PRKCQ: variants seen among roughly 807,000 people sequenced by gnomAD.
PRKCQ encodes the protein protein kinase C theta type.
Under a neutral mutation model 91.2 loss-of-function variants are expected in PRKCQ, and 41 were observed. The observed-to-expected ratio is 0.45, with a 90% CI of 0.35 to 0.58. PRKCQ has a LOEUF of 0.58. Among genes scored for constraint, PRKCQ ranks in the 20% least tolerant of loss-of-function variants. The pLI is 0.00. For missense variants in PRKCQ, 673 were observed against 896.5 expected, an observed-to-expected ratio of 0.75 and a Z score of 3.18; for synonymous variants, 307 against 316.9, an observed-to-expected ratio of 0.97 and a Z score of 0.33.
chr10:6,469,196 C>T (rs1450328520), intron 12 of PRKCQ, among the ~76,000 whole-genome samples: 1 of 152,174 alleles, frequency 6.6e-6, no homozygotes, highest in Non-Finnish European at 1.5e-5. Flanking sequence ...TCAAGCTCAC[C>T]AACAATTCAA....
intron 1 of PRKCQ, among the ~76,000 whole-genome samples, chr10:6,546,055 A>G (rs10752351): frequency 0.92 from 139,264 of 152,174 alleles, 64,233 homozygotes; most frequent in East Asian, 1. Context: ...TGTTACGCGT[A>G]TTCTAGCACA....
intron 1 of PRKCQ, among the ~76,000 whole-genome samples, chr10:6,544,147 G>A (rs571689641): frequency 1.3e-5 from 2 of 152,142 alleles, no homozygotes; most frequent in African/African-American, 4.8e-5. Flanking sequence ...AGAATCAAAG[G>A]GTTATGTAGA....
intron 13 of PRKCQ, among the ~76,000 whole-genome samples, chr10:6,462,771 C>T (rs1381146978): frequency 2.6e-5 from 4 of 151,996 alleles, no homozygotes. Context: ...TTGGGAGGCC[C>T]AAGCAGGTGG....
At chr10:6,543,950 C>T (rs1211471619) in intron 1 of PRKCQ, among the ~76,000 whole-genome samples, 1 of 152,164 alleles carries the variant, frequency 6.6e-6, no homozygotes, top group African/African-American at 2.4e-5. Flanking sequence ...AAGACATGAC[C>T]TCCAACCCCA....
the PRKCQ span, among the ~76,000 whole-genome samples, chr10:6,394,267 C>G: frequency 6.6e-6 from 1 of 152,176 alleles, no homozygotes; most frequent in Non-Finnish European, 1.5e-5. Flanking sequence ...CCTTTGTTGT[C>G]GTAAGTGTAG....
intron 1 of PRKCQ, among the ~76,000 whole-genome samples, chr10:6,522,925 GC>G: frequency 6.6e-6 from 1 of 152,138 alleles, no homozygotes; most frequent in Non-Finnish European, 1.5e-5. Context: ...AATAGCTTTT[GC>G]ATTTCTTTAT....
At chr10:6,495,630 C>T (rs547466898) in intron 7 of PRKCQ, among the ~76,000 whole-genome samples, 32 of 152,252 alleles carry the variant, frequency 2.1e-4, no homozygotes, top group Non-Finnish European at 3.8e-4. Context: ...TCTCCAACTT[C>T]GCAGGACCAC....
rs12762065 is a variant in PRKCQ at position 6,505,633 on chromosome 10, C to T, written c.379+1803G>A. On this transcript the variant is annotated intron_variant, in intron 4 of 17. Transcript: ENST00000263125. ...CTCTCTCCCTTCCTTCCTTCCTTCC[C>T]TCCCTTCCTTCCTTTCCTTTCCTTT... Among the ~76,000 whole-genome samples the T allele has an allele frequency of 5.5e-3, 650 of 117,178 alleles. 6 individuals are homozygous for T. Among genetic ancestry groups the T allele is most frequent in the Non-Finnish European group, 9.9e-3 (498 of 50,400 alleles). The allele number at this position is 117,178 out of a possible 152,430, so 76.9% of individuals were successfully genotyped here.
chr10:6,560,329 G>A (rs1243517619), intron 1 of PRKCQ, among the ~76,000 whole-genome samples: 3 of 152,100 alleles, frequency 2.0e-5, no homozygotes, highest in African/African-American at 4.8e-5. Context: ...GGTGAGGAGC[G>A]GCGTGCTACA....
chr10:6,491,863 T>C (rs1837324429), intron 7 of PRKCQ, 51 bp from the exon 8 acceptor site: 3 of 1,610,654 alleles, frequency 1.9e-6, no homozygotes, highest in Admixed American at 3.3e-5. Flanking sequence ...GCCCCGACTT[T>C]GGATGTTCTT....
At chr10:6,422,730 T>C (rs954581534), downstream of PRKCQ, among the ~76,000 whole-genome samples, 4 of 152,146 alleles carry the variant, frequency 2.6e-5, no homozygotes, top group African/African-American at 9.7e-5. Flanking sequence ...GTTGGTGCAT[T>C]CCAACAGCAT....
chr10:6,435,193 G>C (rs977241242), intron 16 of PRKCQ, among the ~76,000 whole-genome samples: 5 of 152,216 alleles, frequency 3.3e-5, no homozygotes, highest in African/African-American at 1.2e-4. Context: ...TCTCCCAGTG[G>C]GCAATTGTTC....
At chr10:6,506,015 G>A (rs1838189231) in intron 4 of PRKCQ, among the ~76,000 whole-genome samples, 1 of 151,994 alleles carries the variant, frequency 6.6e-6, no homozygotes, top group African/African-American at 2.4e-5. Context: ...TCTTATTCAA[G>A]GAATTAAACA....
intron 1 of PRKCQ, among the ~76,000 whole-genome samples, chr10:6,552,893 AT>A (rs71515440): frequency 0.048 from 1,958 of 40,926 alleles, 51 homozygotes; most frequent in African/African-American, 0.073. Flanking sequence ...AAAAATTAAA[AT>A]TTTTTTTTAA....
chr10:6,412,292 T>C, the PRKCQ span, among the ~76,000 whole-genome samples: 2 of 152,248 alleles, frequency 1.3e-5, no homozygotes, highest in Non-Finnish European at 2.9e-5. Context: ...TGTTTAGTTA[T>C]CTTCGAATTC....
chr10:6,488,749 A>G (rs1837081079), intron 8 of PRKCQ, among the ~76,000 whole-genome samples: 1 of 152,142 alleles, frequency 6.6e-6, no homozygotes. Context: ...CACCTGAAGC[A>G]AAATCTTTTC....
In PRKCQ at chr10:6,427,387, C is replaced by T. The variant is rs1181194135; in HGVS notation, c.*820G>A. ...CGAGAAGGGGTTAAGGTTCTTTTCCCAGGAGACTTATGCACTTCATTTCTT... is the reference window on the plus strand; with the variant it reads ...CGAGAAGGGGTTAAGGTTCTTTTCCTAGGAGACTTATGCACTTCATTTCTT... On this transcript the variant is annotated 3_prime_UTR_variant, in exon 18 of 18. Coordinates refer to ENST00000263125, the MANE Select transcript of PRKCQ (RefSeq NM_006257.5). The T allele has an allele frequency of 6.6e-6, 1 of 152,076 alleles. No homozygotes were observed. The highest frequency in any genetic ancestry group is 2.4e-5 in the African/African-American group (1 of 41,394). The allele number at this position is 152,076 out of a possible 1,614,324, so 9.4% of individuals were successfully genotyped here. A position where few individuals can be genotyped will look rare whatever the true frequency, so the allele number is the denominator to read the frequency against.
the PRKCQ span, among the ~76,000 whole-genome samples, chr10:6,420,991 C>T: frequency 6.6e-6 from 1 of 151,966 alleles, no homozygotes; most frequent in African/African-American, 2.4e-5. Context: ...CCCCTTTGAT[C>T]TTTTTTTCCT....
intron 4 of PRKCQ, among the ~76,000 whole-genome samples, chr10:6,505,994 G>A (rs2130845323): frequency 6.6e-6 from 1 of 152,206 alleles, no homozygotes; most frequent in South Asian, 2.1e-4. Flanking sequence ...CTAATGGGAG[G>A]AATGTATTTC....
Sources: gnomAD v4.1 joint callset for allele counts (sites outside exome capture counted in the v4.1 genomes callset) on GRCh38, gnomAD v4.1.1 for gene constraint, MANE v1.5 for transcripts, NCBI Gene and HGNC (gene_info 2026-07-23, HGNC 2026-07-21) for gene names.